The following DOCK2 variants were observed in gnomAD, a reference collection of about 807,000 sequenced individuals.
The protein encoded by DOCK2 is dedicator of cytokinesis protein 2.
Under a neutral mutation model 248.9 loss-of-function variants are expected in DOCK2, and 87 were observed. The ratio of observed to expected loss-of-function variants is 0.35; its 90% CI spans 0.29 to 0.42. The LOEUF is 0.42. Ranked by LOEUF, DOCK2 falls within the 10% of genes least tolerant of loss-of-function variation. The pLI is 1.00. For missense variants in DOCK2, 1,747 were observed against 2,300.2 expected (o/e 0.76, Z 4.92); for synonymous variants, 805 against 821.6 (o/e 0.98, Z 0.35).
intron 25 of DOCK2, among the ~76,000 whole-genome samples, chr5:169,780,748 A>G (rs920989791): frequency 4.6e-5 from 7 of 152,248 alleles, no homozygotes; most frequent in Admixed American, 3.3e-4. Context: ...AACACTACAC[A>G]GTACGTCTTC....
chr5:169,714,194 C>T lies in DOCK2; in HGVS notation c.1826C>T (p.Thr609Ile). 1 of 1,609,946 alleles carries T rather than the reference C, an allele frequency of 6.2e-7. No individual in the cohort carries two copies. The highest frequency in any genetic ancestry group is 8.5e-7 in the Non-Finnish European group (1 of 1,177,340). ...VFSISTLVCS[T>I]KLTQNVGLLG... is the part of the protein sequence containing the mutation. ...TCCATTTCCACCCTGGTGTGCTCCA[C>T]AAAGCTCACTCAGAATGGTAATCGG... is the stretch of plus-strand genomic sequence containing the variant. The change falls in exon 18 of 52, where the codon ACA becomes ATA. Residue 609 changes from threonine (T) to isoleucine (I), a missense_variant. This residue lies in a region of DOCK2 where 858 missense variants were observed against 1,183.5 expected (regional missense o/e 0.72). Transcript: ENST00000520908.
At chr5:169,997,467 G>A (rs1754688024) in intron 30 of DOCK2, among the ~76,000 whole-genome samples, 2 of 141,512 alleles carry the variant, frequency 1.4e-5, no homozygotes, top group South Asian at 4.8e-4. Flanking sequence ...CCCTTCCCAC[G>A]AGGCCATATT....
intron 14 of DOCK2, 36 bp downstream of exon 14, chr5:169,702,463 C>G (rs774381810): frequency 6.2e-7 from 1 of 1,610,506 alleles, no homozygotes; most frequent in South Asian, 1.1e-5. Context: ...TGACAGGGTC[C>G]GCCTTGGGGG....
intron 27 of DOCK2, among the ~76,000 whole-genome samples, chr5:169,946,145 A>G (rs1776439028): frequency 6.6e-6 from 1 of 152,202 alleles, no homozygotes; most frequent in Non-Finnish European, 1.5e-5. Flanking sequence ...GAGTGATCTA[A>G]CAGTCTCCCT....
At chr5:169,938,194 C>T (rs910641574) in intron 27 of DOCK2, among the ~76,000 whole-genome samples, 1 of 152,104 alleles carries the variant, frequency 6.6e-6, no homozygotes, top group Non-Finnish European at 1.5e-5. Context: ...GCACAGCTGC[C>T]ACCTTAAAGA....
intron 27 of DOCK2, among the ~76,000 whole-genome samples, chr5:169,976,943 C>T (rs534098071): frequency 2.6e-5 from 4 of 152,288 alleles, no homozygotes; most frequent in East Asian, 1.9e-4. Flanking sequence ...ATGAACCTTG[C>T]GGATCAAAAA....
intron 28 of DOCK2, among the ~76,000 whole-genome samples, chr5:169,985,448 A>G (rs1016773777): frequency 6.6e-6 from 1 of 151,162 alleles, no homozygotes; most frequent in African/African-American, 2.4e-5. Flanking sequence ...TTAGATGTTC[A>G]TTTTAATAAG....
chr5:169,747,842 A>T (rs549456858), intron 23 of DOCK2, among the ~76,000 whole-genome samples: 4 of 152,174 alleles, frequency 2.6e-5, no homozygotes, highest in Non-Finnish European at 4.4e-5. Context: ...AAAGTCAGGG[A>T]CCCTTTTGGG....
intron 50 of DOCK2, 69 bp from the exon 51 acceptor site, chr5:170,081,773 T>A: frequency 1.2e-6 from 1 of 843,990 alleles, no homozygotes; most frequent in Non-Finnish European, 1.7e-6. Context: ...CCTCCCCCTG[T>A]CTACCTCCCC....
chr5:169,753,230 C>G (rs1029480811), intron 23 of DOCK2, among the ~76,000 whole-genome samples: 3 of 152,146 alleles, frequency 2.0e-5, no homozygotes, highest in African/African-American at 7.2e-5. Flanking sequence ...CATACCTGCA[C>G]AGAATGTGCA....
At chr5:169,903,578 G>A (rs370082722) in intron 27 of DOCK2, among the ~76,000 whole-genome samples, 133 of 152,212 alleles carry the variant, frequency 8.7e-4, no homozygotes, top group African/African-American at 3.1e-3. Context: ...ATGGGAGAAG[G>A]GAAGTCACTT....
At chr5:169,700,791 G>T (rs1361633959) in intron 13 of DOCK2, among the ~76,000 whole-genome samples, 1 of 152,060 alleles carries the variant, frequency 6.6e-6, no homozygotes, top group Non-Finnish European at 1.5e-5. Context: ...AGTCAGCTAT[G>T]CTAAAGGGTC....
chr5:170,021,639 G>A (rs1036422990), intron 33 of DOCK2, among the ~76,000 whole-genome samples: 1 of 152,132 alleles, frequency 6.6e-6, no homozygotes, highest in Non-Finnish European at 1.5e-5. Context: ...CATTCATTCT[G>A]AGCATGTTCC....
At chr5:169,724,346 A>T (rs1762358249) in intron 22 of DOCK2, among the ~76,000 whole-genome samples, 1 of 152,214 alleles carries the variant, frequency 6.6e-6, no homozygotes, top group South Asian at 2.1e-4. Context: ...TGTTATAGTG[A>T]AGCTATTCAG....
intron 27 of DOCK2, among the ~76,000 whole-genome samples, chr5:169,859,806 A>C (rs1771080791): frequency 6.6e-6 from 1 of 152,168 alleles, no homozygotes; most frequent in African/African-American, 2.4e-5. Context: ...TGGCTCTTAA[A>C]GTCTCTTTTA....
At chr5:169,933,322 T>C (rs1360613897) in intron 27 of DOCK2, among the ~76,000 whole-genome samples, 3 of 152,186 alleles carry the variant, frequency 2.0e-5, no homozygotes, top group African/African-American at 7.2e-5. Flanking sequence ...CTGGGGCTAA[T>C]CAAATACAGA....
At position 170,067,494 on chromosome 5, in the gene DOCK2, A is replaced by AT. The variant is rs1757535422; in HGVS notation, c.4468-15dup. On this transcript the variant is annotated splice_polypyrimidine_tract_variant and intron_variant, in intron 44 of 51. Transcript: ENST00000520908. ...TAACTAAGGCCCTTTCTTCTTGGTG[A>AT]TCTCATTTTCAACAGACCACAATTA... 4 of 1,607,272 alleles carry AT rather than the reference A, an allele frequency of 2.5e-6. No individual in the cohort carries two copies. In the South Asian group the frequency reaches 4.4e-5, roughly 18 times the overall value.
chr5:169,655,231 C>T (rs920747720), intron 2 of DOCK2, among the ~76,000 whole-genome samples: 1 of 152,180 alleles, frequency 6.6e-6, no homozygotes, highest in Non-Finnish European at 1.5e-5. Context: ...CCTCACTGGC[C>T]CAACTGGCCT....
chr5:169,712,249 C>A (rs779641580), intron 17 of DOCK2, 26 bp downstream of exon 17: 1 of 1,606,988 alleles, frequency 6.2e-7, no homozygotes, highest in Non-Finnish European at 8.5e-7. Context: ...AGGAGCTCTG[C>A]ACTGAGGGGA....
Sources: gnomAD v4.1 joint callset for allele counts (sites outside exome capture counted in the v4.1 genomes callset) on GRCh38, gnomAD v4.1.1 for gene constraint, gnomAD v4.1.1 regional missense constraint, MANE v1.5 for transcripts, NCBI Gene and HGNC (gene_info 2026-07-23, HGNC 2026-07-21) for gene names.